The following CDH13 variants were observed in gnomAD, a reference collection of about 807,000 sequenced individuals.
CDH13 encodes the protein cadherin-13.
CDH13 carries 24 observed loss-of-function variants against 63.8 expected under a neutral mutation model. The ratio of observed to expected loss-of-function variants is 0.38; its 90% CI spans 0.27 to 0.53. CDH13 has a LOEUF of 0.53. CDH13 is among the 20% of genes least tolerant of loss of function. The pLI, the probability that CDH13 is intolerant of heterozygous loss-of-function variation, is 0.85. For missense variants in CDH13, 1,049 were observed against 903.1 expected, an observed-to-expected ratio of 1.16 and a Z score of -2.07; for synonymous variants, 503 against 355.3, an observed-to-expected ratio of 1.42 and a Z score of -4.67.
chr16:83,426,472 A>G (rs1355180096), intron 6 of CDH13, among the ~76,000 whole-genome samples: 1 of 149,860 alleles, frequency 6.7e-6, no homozygotes, highest in Admixed American at 6.7e-5. Context: ...GTTTCTCCCA[A>G]TTTTCTCTCT....
chr16:82,858,855 T>C (rs2039812815), intron 2 of CDH13: 1 of 268,508 alleles, frequency 3.7e-6, no homozygotes. Context: ...TTCTCATACA[T>C]AGCATTAGAT....
intron 2 of CDH13, among the ~76,000 whole-genome samples, chr16:82,942,301 G>A (rs1036957219): frequency 6.6e-6 from 1 of 152,148 alleles, no homozygotes; most frequent in African/African-American, 2.4e-5. Flanking sequence ...CTGAATTGCA[G>A]CCATAAATCA....
intron 7 of CDH13, among the ~76,000 whole-genome samples, chr16:83,571,113 C>T (rs906268134): frequency 8.6e-5 from 13 of 151,786 alleles, no homozygotes; most frequent in Non-Finnish European, 1.6e-4. Flanking sequence ...CATATTTCCA[C>T]AAACATCATA....
At chr16:83,217,576 T>C (rs1260537877) in intron 5 of CDH13, 79 bp downstream of exon 5, 1 of 1,425,278 alleles carries the variant, frequency 7.0e-7, no homozygotes. Context: ...CTGAGCTCAT[T>C]ATTTCTGTGC....
chr16:82,830,590 C>T (rs182383014), intron 1 of CDH13, among the ~76,000 whole-genome samples: 1 of 152,304 alleles, frequency 6.6e-6, no homozygotes, highest in East Asian at 1.9e-4. Flanking sequence ...TCTCTTCTTT[C>T]CTCACACTCA....
At chr16:83,279,725 A>G (rs2089104567) in intron 5 of CDH13, among the ~76,000 whole-genome samples, 1 of 152,204 alleles carries the variant, frequency 6.6e-6, no homozygotes, top group Non-Finnish European at 1.5e-5. Flanking sequence ...GAGATCTAAA[A>G]GTGAGAAGCA....
intron 5 of CDH13, among the ~76,000 whole-genome samples, chr16:83,237,050 T>C (rs2040166358): frequency 6.6e-6 from 1 of 151,662 alleles, no homozygotes; most frequent in Non-Finnish European, 1.5e-5. Flanking sequence ...AGGAAGAGGG[T>C]GGGGCAGAGG....
chr16:82,814,796 A>T (rs534086703), intron 1 of CDH13, among the ~76,000 whole-genome samples: 13 of 152,292 alleles, frequency 8.5e-5, no homozygotes, highest in African/African-American at 2.9e-4. Flanking sequence ...ACAGGCCACA[A>T]CCTGGGCCTT....
chr16:83,704,745 A>G (rs1296504717), intron 10 of CDH13, among the ~76,000 whole-genome samples: 2 of 152,198 alleles, frequency 1.3e-5, no homozygotes, highest in African/African-American at 4.8e-5. Flanking sequence ...TGAACTCTAT[A>G]ATGGTACTAC....
chr16:83,269,600 A>C lies in CDH13; in HGVS notation c.636+52103A>C, dbSNP rs145672670. 7.9e-4 allele frequency among the ~76,000 whole-genome samples: 120 copies of C among 152,302 alleles called. 3 individuals are homozygous for C. In the South Asian group the frequency reaches 0.024, roughly 31 times the overall value. ...AAGAATTCTGGGATCACTCCACCCC[A>C]AAAGAATGAGGGTTATGTTGTCCTT... On this transcript the variant is annotated intron_variant, in intron 5 of 13. Coordinates refer to ENST00000567109, the MANE Select transcript of CDH13 (RefSeq NM_001257.5).
At chr16:82,947,045 T>TGC (rs1207170848) in intron 2 of CDH13, among the ~76,000 whole-genome samples, 7 of 150,124 alleles carry the variant, frequency 4.7e-5, no homozygotes, top group Non-Finnish European at 1.0e-4. Context: ...TGTGTGTGTG[T>TGC]GTGATGTTGT....
intron 2 of CDH13, among the ~76,000 whole-genome samples, chr16:82,989,881 G>T (rs1010962730): frequency 5.9e-5 from 9 of 152,028 alleles, no homozygotes; most frequent in Non-Finnish European, 1.2e-4. Context: ...CCTAATCATA[G>T]AAATTCTCTC....
intron 10 of CDH13, among the ~76,000 whole-genome samples, chr16:83,746,303 A>G (rs1198299029): frequency 6.6e-6 from 1 of 152,144 alleles, no homozygotes; most frequent in Non-Finnish European, 1.5e-5. Flanking sequence ...TTGTGGCCAC[A>G]TCACTCCAAT....
chr16:83,609,153 C>T (rs539423928), intron 8 of CDH13, among the ~76,000 whole-genome samples: 3 of 152,150 alleles, frequency 2.0e-5, no homozygotes, highest in Admixed American at 2.0e-4. Context: ...GTTCAACTTG[C>T]GGCCTGTGAG....
chr16:83,277,012 C>T (rs1319857679), intron 5 of CDH13, among the ~76,000 whole-genome samples: 1 of 152,070 alleles, frequency 6.6e-6, no homozygotes, highest in African/African-American at 2.4e-5. Context: ...AGACCTGCCC[C>T]CATAATACAA....
At chr16:83,609,861 T>C (rs1908694169) in intron 8 of CDH13, among the ~76,000 whole-genome samples, 1 of 152,226 alleles carries the variant, frequency 6.6e-6, no homozygotes, top group Non-Finnish European at 1.5e-5. Context: ...CCCGAACCCA[T>C]GAGCAGTTAC....
chr16:82,755,216 T>A (rs2034568877), intron 1 of CDH13, among the ~76,000 whole-genome samples: 1 of 152,186 alleles, frequency 6.6e-6, no homozygotes, highest in Admixed American at 6.5e-5. Flanking sequence ...TTTCCCTTTT[T>A]CTCTGCAGCT....
At chr16:83,536,943 C>G (rs944604822) in intron 7 of CDH13, among the ~76,000 whole-genome samples, 8 of 152,164 alleles carry the variant, frequency 5.3e-5, no homozygotes, top group Admixed American at 2.0e-4. Flanking sequence ...ATGGAGGTAA[C>G]TCATGCCACA....
At chr16:82,910,159 G>C (rs2042886612) in intron 2 of CDH13, among the ~76,000 whole-genome samples, 1 of 152,170 alleles carries the variant, frequency 6.6e-6, no homozygotes, top group Admixed American at 6.5e-5. Flanking sequence ...ATGCTCATCA[G>C]AATCCTGCTG....
Sources: gnomAD v4.1 joint callset for allele counts (sites outside exome capture counted in the v4.1 genomes callset) on GRCh38, gnomAD v4.1.1 for gene constraint, MANE v1.5 for transcripts, NCBI Gene and HGNC (gene_info 2026-07-23, HGNC 2026-07-21) for gene names.